Variants in PPFIA4 observed in about 807,000 individuals in gnomAD.
PPFIA4 encodes PPFI scaffold protein A4, also known as liprin-alpha-4.
Under a neutral mutation model 145.7 loss-of-function variants are expected in PPFIA4, and 98 were observed. The ratio of observed to expected loss-of-function variants is 0.67; its 90% CI spans 0.57 to 0.80. The LOEUF is 0.80. Ranked by LOEUF, PPFIA4 falls within the 30% of genes least tolerant of loss-of-function variation. The probability of loss-of-function intolerance (pLI) is 0.00; values close to 1 mark genes in which losing one functional copy is unlikely to be tolerated. For synonymous variants in PPFIA4, 628 were observed against 649.6 expected (o/e 0.97, Z 0.51); for missense variants, 1,457 against 1,632.7 (o/e 0.89, Z 1.85).
rs1390986061 is a variant in PPFIA4 at position 203,044,463 on chromosome 1, C to T, written c.576+10C>T. Reference sequence around the variant, plus strand: ...AGGTGCCCACCAGCAGGTAATCTGCCTGCTCACCCTCAGTCTGCAGCTCCT... The same window carrying T: ...AGGTGCCCACCAGCAGGTAATCTGCTTGCTCACCCTCAGTCTGCAGCTCCT... On this transcript the variant is annotated intron_variant, in intron 5 of 29. Transcript: ENST00000295706. 1 of 1,550,016 alleles carries T rather than the reference C, an allele frequency of 6.5e-7. No individual in the cohort carries two copies. The highest frequency in any genetic ancestry group is 2.4e-5 in the East Asian group (1 of 40,914).
At chr1:203,061,276 G>C in intron 23 of PPFIA4, 1 of 577,330 alleles carries the variant, frequency 1.7e-6, no homozygotes, top group Non-Finnish European at 3.1e-6. Context: ...TGGGCCACTG[G>C]TGTGCTACAG....
chr1:203,033,268 G>T (rs1262356186), intron 1 of PPFIA4, among the ~76,000 whole-genome samples: 1 of 152,188 alleles, frequency 6.6e-6, no homozygotes, highest in Non-Finnish European at 1.5e-5. Context: ...CGTGTTGGGG[G>T]CCCAGAGAAC....
intron 1 of PPFIA4, among the ~76,000 whole-genome samples, 181 bp from the exon 2 acceptor site, chr1:203,038,429 G>A (rs1248392152): frequency 6.6e-6 from 1 of 152,212 alleles, no homozygotes; most frequent in Non-Finnish European, 1.5e-5. Context: ...GTAGGCATGT[G>A]CATTCCTTGG....
intron 25 of PPFIA4, among the ~76,000 whole-genome samples, chr1:203,065,062 T>G (rs1661639857): frequency 6.6e-6 from 1 of 152,204 alleles, no homozygotes; most frequent in Admixed American, 6.5e-5. Flanking sequence ...CTCAGAAATC[T>G]TATAGAAAGT....
chr1:203,053,389 C>G (rs1174069505), intron 14 of PPFIA4, among the ~76,000 whole-genome samples: 1 of 152,042 alleles, frequency 6.6e-6, no homozygotes, highest in Non-Finnish European at 1.5e-5. Context: ...AAAAATCAGC[C>G]GGGCGTGGTG....
chr1:203,044,232 T>C, intron 4 of PPFIA4, 137 bp downstream of exon 4: 2 of 1,184,716 alleles, frequency 1.7e-6, no homozygotes, highest in Non-Finnish European at 2.3e-6. Flanking sequence ...TTCAAGGTCC[T>C]CCTGTTAGGC....
Position 203,060,200 on chromosome 1 carries a change from G to A in PPFIA4, c.2584-17G>A. On this transcript the variant is annotated splice_polypyrimidine_tract_variant and intron_variant, in intron 21 of 29. Transcript: ENST00000295706. This position sits in a 1 kb window ranked among gnomAD's most constrained non-coding sequence, Gnocchi z 4.8. The stretch of plus-strand genomic sequence containing the variant: ...GGCCCAGGCCTTGAATTACCTCCCT[G>A]TGCCCGGTGTCTGCAGCTCTGGGTG... 6.2e-7 allele frequency: 1 copy of A among 1,612,520 alleles called. No homozygotes were observed. Among genetic ancestry groups the A allele is most frequent in the South Asian group, 1.1e-5 (1 of 90,920 alleles).
In PPFIA4 at chr1:203,026,637, C is replaced by G. The variant is rs1267687006; in HGVS notation, c.-400+8C>G. The G allele has an allele frequency of 6.6e-6, 1 of 152,422 alleles. No individual in the cohort carries two copies. The highest frequency in any genetic ancestry group is 1.5e-5 in the Non-Finnish European group (1 of 68,192). 9.4% of individuals were successfully genotyped at this position (152,422 alleles called of 1,614,324 possible). On this transcript the variant is annotated splice_region_variant and intron_variant, in intron 1 of 29. Coordinates refer to ENST00000295706, the MANE Select transcript of PPFIA4 (RefSeq NM_001304331.2). ...TTCGGCATTTGCAGGCAGGTGAGCGCCCAGAGCCTGGACTGGGGTAGGATG... is the reference window on the plus strand; with the variant it reads ...TTCGGCATTTGCAGGCAGGTGAGCGGCCAGAGCCTGGACTGGGGTAGGATG...
At chr1:203,058,847 T>C (rs916880249) in intron 19 of PPFIA4, among the ~76,000 whole-genome samples, 1 of 152,040 alleles carries the variant, frequency 6.6e-6, no homozygotes, top group Non-Finnish European at 1.5e-5. Context: ...TGTTTGGGGC[T>C]CTGGGTTTCC....
At chr1:203,074,142 A>C (rs1433973167) in intron 28 of PPFIA4, among the ~76,000 whole-genome samples, 2 of 152,172 alleles carry the variant, frequency 1.3e-5, no homozygotes. Context: ...AAAGAGATAC[A>C]GTCATGCATG....
In PPFIA4 at chr1:203,045,496, G is replaced by C. The variant is rs751614328; in HGVS notation, c.795G>C (p.Thr265=). The C allele has an allele frequency of 6.8e-6, 11 of 1,607,340 alleles. No homozygotes were observed. The Admixed American group carries it at 8.5e-5, about 12-fold the overall frequency. Residue 265 remains threonine, a synonymous_variant, in exon 7 of 30, where the codon ACG becomes ACC. Transcript: ENST00000295706. ...CTGAACTCGAGGAGGACCTGGGCAC[G>C]GCCCGCCGGGACCTCATCAAGTCGG... The part of the protein sequence containing the change: ...TVTELEEDLG[T]ARRDLIKSEE...
At chr1:203,052,276 G>C (rs1660589975) in intron 14 of PPFIA4, among the ~76,000 whole-genome samples, 1 of 152,156 alleles carries the variant, frequency 6.6e-6, no homozygotes, top group African/African-American at 2.4e-5. Context: ...GGGATGACAG[G>C]TTAACTGGCC....
chr1:203,047,136 C>G (rs562252850), intron 9 of PPFIA4, among the ~76,000 whole-genome samples: 2 of 152,178 alleles, frequency 1.3e-5, no homozygotes, highest in African/African-American at 2.4e-5. Context: ...GCACAGTGCT[C>G]GGAAGGGAGA....
intron 27 of PPFIA4, among the ~76,000 whole-genome samples, chr1:203,069,586 C>T (rs1191452936): frequency 1.3e-5 from 2 of 152,176 alleles, no homozygotes; most frequent in Admixed American, 1.3e-4. Context: ...GCTGTCAGAT[C>T]TCTTTTGAAA....
rs904020676 is a variant in PPFIA4, at chr1:203,076,504, C to T, written c.*114C>T. 1.7e-4 allele frequency: 184 copies of T among 1,092,214 alleles called. No homozygotes were observed. Among genetic ancestry groups the T allele is most frequent in the Non-Finnish European group, 2.3e-4 (170 of 729,770 alleles). 67.7% of individuals were successfully genotyped at this position (1,092,214 alleles called of 1,614,324 possible). A position where few individuals can be genotyped will look rare whatever the true frequency, so the allele number is the denominator to read the frequency against. The stretch of plus-strand genomic sequence containing the variant: ...GCTCCTAGTCTCGTCCGTGACTTTC[C>T]GGTTGCCCTGGATCTCAGAATATAT... On this transcript the variant is annotated 3_prime_UTR_variant, in exon 30 of 30. Transcript: ENST00000295706.
chr1:203,054,145 T>C, intron 15 of PPFIA4, 184 bp downstream of exon 15: 2 of 748,956 alleles, frequency 2.7e-6, no homozygotes, highest in Non-Finnish European at 4.7e-6. Flanking sequence ...AGGGCCTCAG[T>C]GGACTTCTCA....
intron 1 of PPFIA4, among the ~76,000 whole-genome samples, chr1:203,031,929 T>C (rs1033197014): frequency 2.0e-5 from 3 of 152,186 alleles, no homozygotes; most frequent in Admixed American, 6.5e-5. Context: ...TTAGTAACTA[T>C]ATGATCTCTA....
chr1:203,071,344 T>TGTATTTTTC (rs1558103353), intron 27 of PPFIA4, among the ~76,000 whole-genome samples: 1 of 151,620 alleles, frequency 6.6e-6, no homozygotes, highest in Non-Finnish European at 1.5e-5. Flanking sequence ...GCTAATTTTT[T>TGTATTTTTC]GTATTTTTCG....
intron 20 of PPFIA4, 56 bp downstream of exon 20, chr1:203,059,327 C>G (rs1661203218): frequency 7.2e-7 from 1 of 1,380,334 alleles, no homozygotes; most frequent in Non-Finnish European, 1.0e-6. Context: ...TACCCACTTC[C>G]CTTCCCCTGG....
Sources: gnomAD v4.1 joint callset for allele counts (sites outside exome capture counted in the v4.1 genomes callset) on GRCh38, gnomAD v4.1.1 for gene constraint, Gnocchi (gnomAD v3.1) non-coding constraint, MANE v1.5 for transcripts, NCBI Gene and HGNC (gene_info 2026-07-23, HGNC 2026-07-21) for gene names.